DHX36: variants seen among roughly 807,000 people sequenced by gnomAD.
The protein encoded by DHX36 is ATP-dependent DNA/RNA helicase DHX36.
DHX36 carries 50 observed loss-of-function variants against 139.0 expected under a neutral mutation model. The observed-to-expected ratio is 0.36, with a 90% CI of 0.29 to 0.46. The LOEUF is 0.46. DHX36 is among the 20% of genes least tolerant of loss of function. DHX36 has a pLI of 1.00. For synonymous variants in DHX36, 425 were observed against 401.9 expected (o/e 1.06, Z -0.69); for missense variants, 1,024 against 1,211.3 (o/e 0.85, Z 2.29).
chr3:154,319,596 T>C (rs1372377594), intron 1 of DHX36, among the ~76,000 whole-genome samples: 1 of 152,184 alleles, frequency 6.6e-6, no homozygotes, highest in Non-Finnish European at 1.5e-5. Flanking sequence ...TCCAGTTCCT[T>C]TCATGTCCTC....
chr3:154,288,964 T>G lies in DHX36; in HGVS notation c.1933A>C (p.Ile645Leu). 1 of 1,508,178 alleles carries G rather than the reference T, an allele frequency of 6.6e-7. No individual in the cohort carries two copies. The highest frequency in any genetic ancestry group is 9.0e-7 in the Non-Finnish European group (1 of 1,108,510). The allele number at this position is 1,508,178 out of a possible 1,614,324, so 93.4% of individuals were successfully genotyped here. Residue 645 changes from isoleucine (I) to leucine (L), a missense_variant and splice_region_variant, in exon 17 of 25, where the codon ATT (isoleucine) becomes CTT (leucine). Physicochemically the swap from Ile to Leu is conservative, Grantham distance 5. Coordinates refer to ENST00000496811, the MANE Select transcript of DHX36 (RefSeq NM_020865.3). ...TAAGCAATTCCACCTAGCCTTAAAA[T>G]CTAAGTGGGGGAGACAAATATTATT... ...PLEELCLQIK[I>L]LRLGGIAYFL...
chr3:154,300,629 C>G lies in DHX36; in HGVS notation c.1426G>C (p.Val476Leu), dbSNP rs758993869. 2.5e-6 allele frequency: 4 copies of G among 1,613,736 alleles called. No homozygotes were observed. In the Admixed American group the frequency reaches 6.7e-5, roughly 27 times the overall value. The change falls in exon 11 of 25, where the codon GTT (valine) becomes CTT (leucine). Residue 476 changes from valine to leucine, a missense_variant. This residue lies in a region of DHX36 where 115 missense variants were observed against 105.6 expected (regional missense o/e 1.09). Coordinates refer to ENST00000496811, the MANE Select transcript of DHX36 (RefSeq NM_020865.3). ...EDDKVDLNLI[V>L]ALIRYIVLEE... ...AAAACAATGTATCGGATGAGGGCAACAATCAAATTCAGATCAACTTTATCA... is the reference window on the plus strand; with the variant it reads ...AAAACAATGTATCGGATGAGGGCAAGAATCAAATTCAGATCAACTTTATCA...
Position 154,295,329 on chromosome 3 carries a change from T to G in DHX36, c.1560A>C (p.Leu520Phe), listed in dbSNP as rs1478788728. Residue 520 changes from leucine to phenylalanine, a missense_variant, in exon 13 of 25, where the codon TTA becomes TTC. By Grantham distance (22) the Leu-to-Phe change is conservative. This residue lies in a region of DHX36 where 470 missense variants were observed against 616.2 expected (regional missense o/e 0.76). Transcript: ENST00000496811. ...GCATCAGTGAATGTAAAGGTATAAT[T>G]AAAAATTTATCTGAAAATTAAAGAG... ...SQVMFKSDKF[L>F]IIPLHSLMPT... 1 of 1,516,010 alleles carries G rather than the reference T, an allele frequency of 6.6e-7. No homozygotes were observed. Among genetic ancestry groups the G allele is most frequent in the African/African-American group, 1.4e-5 (1 of 71,230 alleles). The allele number at this position is 1,516,010 out of a possible 1,614,324, so 93.9% of individuals were successfully genotyped here. A position where few individuals can be genotyped will look rare whatever the true frequency, so the allele number is the denominator to read the frequency against.
rs376255288 is a variant in DHX36, at chr3:154,293,775, A to G, written c.1643T>C (p.Val548Ala). The change falls in exon 14 of 25, where the codon GTA becomes GCA. Residue 548 changes from valine to alanine, a missense_variant. Val to Ala is a moderately conservative substitution (Grantham distance 64). Coordinates refer to ENST00000496811, the MANE Select transcript of DHX36 (RefSeq NM_020865.3). ...AGTCTCCGCAATGTTGGTAGCAATT[A>G]CTATTTTCCGAACACCAGGAGGGGT... is the stretch of plus-strand genomic sequence containing the variant. ...KRTPPGVRKI[V>A]IATNIAETSI... 2 of 1,613,202 alleles carry G rather than the reference A, an allele frequency of 1.2e-6. No homozygotes were observed. The highest frequency in any genetic ancestry group is 1.7e-6 in the Non-Finnish European group (2 of 1,179,474).
intron 5 of DHX36, 32 bp from the exon 6 acceptor site, chr3:154,306,327 A>C (rs1413780684): frequency 6.4e-7 from 1 of 1,561,488 alleles, no homozygotes; most frequent in South Asian, 1.1e-5. Flanking sequence ...AAGAGAATAT[A>C]ATTTCCTTTA....
intron 5 of DHX36, among the ~76,000 whole-genome samples, chr3:154,306,512 T>G (rs925460602): frequency 6.6e-6 from 1 of 152,168 alleles, no homozygotes; most frequent in South Asian, 2.1e-4. Context: ...AAGGCCAAGT[T>G]CTCTCATCAC....
chr3:154,306,177 C>A, intron 6 of DHX36, 39 bp downstream of exon 6: 1 of 1,456,596 alleles, frequency 6.9e-7, no homozygotes, highest in Non-Finnish European at 9.6e-7. Flanking sequence ...CAAAGTTTCA[C>A]TAAAATCTGC....
At chr3:154,279,043 T>A (rs1425820353) in intron 22 of DHX36, 2 of 152,122 alleles carry the variant, frequency 1.3e-5, no homozygotes, top group Non-Finnish European at 2.9e-5. Context: ...AGTGGTGTGA[T>A]CTTGACTCAC....
intron 3 of DHX36, among the ~76,000 whole-genome samples, chr3:154,314,083 A>G (rs1712869674): frequency 6.6e-6 from 1 of 152,216 alleles, no homozygotes; most frequent in South Asian, 2.1e-4. Flanking sequence ...CATCATATAC[A>G]GCAAAGAGAA....
chr3:154,293,761 T>C lies in DHX36; in HGVS notation c.1657A>G (p.Ile553Val). ...AACTATTTTTACCTAGTCTCCGCAA[T>C]GTTGGTAGCAATTACTATTTTCCGA... Reference protein sequence around the residue: ...GVRKIVIATNIAETSITIDDV... With the variant: ...GVRKIVIATNVAETSITIDDV... The change falls in exon 14 of 25, where the codon ATT becomes GTT. Residue 553 changes from isoleucine to valine, a missense_variant. Ile to Val is a conservative substitution (Grantham distance 29). Coordinates refer to ENST00000496811, the MANE Select transcript of DHX36 (RefSeq NM_020865.3). 1 of 1,612,946 alleles carries C rather than the reference T, an allele frequency of 6.2e-7. No homozygotes were observed. Among genetic ancestry groups the C allele is most frequent in the Non-Finnish European group, 8.5e-7 (1 of 1,179,122 alleles).
At chr3:154,312,659 G>A (rs1342227860) in intron 3 of DHX36, among the ~76,000 whole-genome samples, 2 of 150,838 alleles carry the variant, frequency 1.3e-5, no homozygotes, top group Non-Finnish European at 3.0e-5. Flanking sequence ...TGGCCAGCAA[G>A]GTGAAATCCC....
intron 12 of DHX36, 97 bp downstream of exon 12, chr3:154,299,741 T>C (rs776566165): frequency 1.2e-6 from 1 of 855,484 alleles, no homozygotes; most frequent in Non-Finnish European, 2.0e-6. Flanking sequence ...TGTGACCTAG[T>C]AGAAGCAACA....
At chr3:154,323,609 G>GA (rs1366632193) in intron 1 of DHX36, among the ~76,000 whole-genome samples, 4 of 152,084 alleles carry the variant, frequency 2.6e-5, no homozygotes, top group African/African-American at 9.7e-5. Context: ...TTTTCAAAGA[G>GA]AATCTGCTCA....
intron 5 of DHX36, among the ~76,000 whole-genome samples, chr3:154,307,797 C>CAAAAA (rs34088732): frequency 7.1e-6 from 1 of 140,254 alleles, no homozygotes; most frequent in African/African-American, 2.6e-5. Flanking sequence ...ATCAATGTGT[C>CAAAAA]AAAAAAAAAA....
chr3:154,322,374 C>T (rs1399214334), intron 1 of DHX36, among the ~76,000 whole-genome samples: 1 of 152,124 alleles, frequency 6.6e-6, no homozygotes, highest in Non-Finnish European at 1.5e-5. Flanking sequence ...TCACCATAGG[C>T]GGCTCTGTAA....
At chr3:154,281,094 T>C (rs991772077) in intron 20 of DHX36, among the ~76,000 whole-genome samples, 1 of 152,154 alleles carries the variant, frequency 6.6e-6, no homozygotes, top group East Asian at 1.9e-4. Flanking sequence ...TGCACTACAA[T>C]GGCAGAGGTC....
intron 6 of DHX36, 132 bp from the exon 7 acceptor site, chr3:154,305,300 T>A: frequency 1.4e-6 from 1 of 716,394 alleles, no homozygotes; most frequent in Non-Finnish European, 2.3e-6. Context: ...ATTTTTTACT[T>A]ATAAGAACAC....
At chr3:154,316,934 G>A (rs1025226760) in intron 1 of DHX36, among the ~76,000 whole-genome samples, 1 of 152,000 alleles carries the variant, frequency 6.6e-6, no homozygotes, top group Non-Finnish European at 1.5e-5. Context: ...GTTCTAACGT[G>A]CATATAAATC....
intron 17 of DHX36, among the ~76,000 whole-genome samples, chr3:154,288,383 A>G (rs188162060): frequency 7.9e-4 from 120 of 151,940 alleles, no homozygotes; most frequent in Non-Finnish European, 1.4e-3. Context: ...AAGCCATTAT[A>G]GTTAAAGTCA....
Sources: gnomAD v4.1 joint callset for allele counts (sites outside exome capture counted in the v4.1 genomes callset) on GRCh38, gnomAD v4.1.1 for gene constraint, gnomAD v4.1.1 regional missense constraint, MANE v1.5 for transcripts, NCBI Gene and HGNC (gene_info 2026-07-23, HGNC 2026-07-21) for gene names.